ABLIM3: variants seen among roughly 807,000 people sequenced by gnomAD.
The protein encoded by ABLIM3 is actin binding LIM protein family member 3.
ABLIM3 carries 61 observed loss-of-function variants against 109.5 expected under a neutral mutation model. The observed-to-expected ratio is 0.56, with a 90% confidence interval of 0.45 to 0.69. The LOEUF (loss-of-function observed/expected upper bound fraction) is 0.69, where lower values mean the gene tolerates loss of function less well. ABLIM3 is among the 30% of genes least tolerant of loss of function. The pLI is 0.00. For missense variants in ABLIM3, 796 were observed against 889.5 expected (o/e 0.89, Z 1.34); for synonymous variants, 300 against 324.8 (o/e 0.92, Z 0.82).
At chr5:149,176,740 C>T (rs1755964999) in intron 2 of ABLIM3, among the ~76,000 whole-genome samples, 1 of 152,176 alleles carries the variant, frequency 6.6e-6, no homozygotes, top group Non-Finnish European at 1.5e-5. Flanking sequence ...TATGCATTAA[C>T]TGCTCCTATT....
intron 8 of ABLIM3, chr5:149,219,771 C>G (rs1760458424): frequency 6.6e-6 from 1 of 152,282 alleles, no homozygotes; most frequent in African/African-American, 2.4e-5. Context: ...GGAGTTTGCA[C>G]TTGGCTTGAA....
At position 149,247,812 on chromosome 5, in the gene ABLIM3, A is replaced by C. The variant is rs1753528127; in HGVS notation, c.1582A>C (p.Lys528Gln). 1.9e-6 allele frequency: 3 copies of C among 1,614,196 alleles called. No homozygotes were observed. Among genetic ancestry groups the C allele is most frequent in the Non-Finnish European group, 2.5e-6 (3 of 1,180,022 alleles). Residue 528 changes from lysine (K) to glutamine (Q), a missense_variant, in exon 18 of 24, where the codon AAG becomes CAG. Coordinates refer to ENST00000309868, the MANE Select transcript of ABLIM3 (RefSeq NM_014945.5). ...LQSGIGRLIL[K>Q]EEMKARSSSY... ...AAGTGGAATTGGCCGGCTGATTCTG[A>C]AGGAAGAAATGAAGGCCCGGTCGAG...
intron 23 of ABLIM3, among the ~76,000 whole-genome samples, chr5:149,255,698 CTTG>C (rs1167388994): frequency 6.6e-6 from 1 of 152,112 alleles, no homozygotes; most frequent in African/African-American, 2.4e-5. Flanking sequence ...CAGGAGGGAG[CTTG>C]TTGTGTTTGA....
At position 149,142,105 on chromosome 5, in the gene ABLIM3, A is replaced by G; in HGVS notation, c.10A>G (p.Ser4Gly). The change falls in exon 2 of 24, where the codon AGC (serine) becomes GGC (glycine). Residue 4 changes from serine to glycine, a missense_variant. Physicochemically the swap from Ser to Gly is moderately conservative, Grantham distance 56. Coordinates refer to ENST00000309868, the MANE Select transcript of ABLIM3 (RefSeq NM_014945.5). ...GTGCAAAGACATCACCATGAACACT[A>G]GCAGTAAGTGGATCCTCCTCTCCTT... MNT[S>G]IPYQQNPYNP... 1 of 1,609,862 alleles carries G rather than the reference A, an allele frequency of 6.2e-7. No homozygotes were observed. The highest frequency in any genetic ancestry group is 1.1e-5 in the South Asian group (1 of 90,998).
chr5:149,186,857 AC>A lies in ABLIM3; in HGVS notation c.151+3269del, dbSNP rs33941805. Reference sequence around the variant, plus strand: ...GCTAGAAAATATGAGCAAAAAAAAAACAACAGTGCATTATAAGCAATAGTGC... The same window carrying A: ...GCTAGAAAATATGAGCAAAAAAAAAAAACAGTGCATTATAAGCAATAGTGC... On this transcript the variant is annotated intron_variant, in intron 3 of 23. Transcript: ENST00000309868. 7.2e-3 allele frequency among the ~76,000 whole-genome samples: 1,089 copies of A among 151,938 alleles called. 16 individuals carry two copies. Among genetic ancestry groups the A allele is most frequent in the African/African-American group, 0.024 (1,013 of 41,366 alleles).
At chr5:149,192,565 G>T (rs528139396) in intron 3 of ABLIM3, among the ~76,000 whole-genome samples, 128 of 149,730 alleles carry the variant, frequency 8.5e-4, no homozygotes, top group African/African-American at 3.1e-3. Context: ...GGCAGAGCTT[G>T]CAGTGAGCCA....
At chr5:149,194,466 T>C (rs550079185) in intron 3 of ABLIM3, among the ~76,000 whole-genome samples, 2 of 152,260 alleles carry the variant, frequency 1.3e-5, no homozygotes, top group Admixed American at 1.3e-4. Context: ...AGTGAGGCAT[T>C]ACCTCACAAA....
intron 10 of ABLIM3, among the ~76,000 whole-genome samples, chr5:149,235,084 C>T (rs1451409112): frequency 6.6e-6 from 1 of 152,136 alleles, no homozygotes; most frequent in Non-Finnish European, 1.5e-5. Flanking sequence ...GATCAGTTGT[C>T]CCTCACATCC....
At chr5:149,208,895 G>C (rs1462816277) in intron 6 of ABLIM3, among the ~76,000 whole-genome samples, 2 of 152,216 alleles carry the variant, frequency 1.3e-5, no homozygotes, top group East Asian at 3.9e-4. Context: ...GAATCTCTGA[G>C]AGTTCCATGG....
chr5:149,220,433 T>G (rs1410817446), intron 8 of ABLIM3: 1 of 152,164 alleles, frequency 6.6e-6, no homozygotes, highest in Non-Finnish European at 1.5e-5. Context: ...CCCATCCCTC[T>G]CCTGGCTCCT....
At chr5:149,153,861 A>AT (rs1753651770) in intron 2 of ABLIM3, among the ~76,000 whole-genome samples, 3 of 152,176 alleles carry the variant, frequency 2.0e-5, no homozygotes, top group Non-Finnish European at 2.9e-5. Flanking sequence ...CAGGCTCCAC[A>AT]TGCCGCCCTG....
intron 8 of ABLIM3, among the ~76,000 whole-genome samples, chr5:149,224,270 T>G (rs1760951873): frequency 6.6e-6 from 1 of 152,204 alleles, no homozygotes; most frequent in Non-Finnish European, 1.5e-5. Context: ...ACTGTTATTA[T>G]CAGCACCTAT....
At chr5:149,210,502 T>TA (rs1464458738) in intron 6 of ABLIM3, among the ~76,000 whole-genome samples, 1 of 152,106 alleles carries the variant, frequency 6.6e-6, no homozygotes, top group Non-Finnish European at 1.5e-5. Context: ...AAACATTGGG[T>TA]AAAAAATGGA....
At chr5:149,253,446 C>A (rs1754131657) in intron 23 of ABLIM3, among the ~76,000 whole-genome samples, 1 of 152,258 alleles carries the variant, frequency 6.6e-6, no homozygotes, top group South Asian at 2.1e-4. Context: ...TGGTGTGCTT[C>A]CCCCATGCTG....
intron 2 of ABLIM3, among the ~76,000 whole-genome samples, chr5:149,154,333 G>A (rs1464363027): frequency 6.6e-6 from 1 of 152,228 alleles, no homozygotes; most frequent in Non-Finnish European, 1.5e-5. Context: ...TGCCTGTGAT[G>A]TTAGCATTAT....
At position 149,154,060 on chromosome 5, in the gene ABLIM3, C is replaced by T. The variant is rs185172336; in HGVS notation, c.13+11952C>T. The stretch of plus-strand genomic sequence containing the variant: ...CTTGCCCTCACCAGGCCAGCAGGGC[C>T]GATGAAGCAACTGCTTTGCAATAGT... On this transcript the variant is annotated intron_variant, in intron 2 of 23. Transcript: ENST00000309868. 1.2e-4 allele frequency among the ~76,000 whole-genome samples: 18 copies of T among 152,312 alleles called. No homozygotes were observed. The East Asian group carries it at 2.7e-3, about 23-fold the overall frequency.
chr5:149,195,718 C>CCAG (rs1757903374), intron 3 of ABLIM3, among the ~76,000 whole-genome samples: 1 of 152,242 alleles, frequency 6.6e-6, no homozygotes, highest in Non-Finnish European at 1.5e-5. Flanking sequence ...GTTCCACCAC[C>CCAG]TGCACGGCCC....
At position 149,258,421 on chromosome 5, in the gene ABLIM3, T is replaced by C. The variant is rs1754641806; in HGVS notation, c.*17T>C. On this transcript the variant is annotated 3_prime_UTR_variant, in exon 24 of 24. Coordinates refer to ENST00000309868, the MANE Select transcript of ABLIM3 (RefSeq NM_014945.5). ...CTGTTCTAGGCAGAGGCTCTATAAA[T>C]ATATATGCATTTATATAAAGATATA... 1 of 1,607,858 alleles carries C rather than the reference T, an allele frequency of 6.2e-7. No individual in the cohort carries two copies.
At chr5:149,217,110 C>G in intron 8 of ABLIM3, 64 bp downstream of exon 8, 1 of 1,447,078 alleles carries the variant, frequency 6.9e-7, no homozygotes, top group South Asian at 1.2e-5. Flanking sequence ...GAGATGCGAT[C>G]TTCAGGTTCA....
Sources: gnomAD v4.1 joint callset for allele counts (sites outside exome capture counted in the v4.1 genomes callset) on GRCh38, gnomAD v4.1.1 for gene constraint, MANE v1.5 for transcripts, NCBI Gene and HGNC (gene_info 2026-07-23, HGNC 2026-07-21) for gene names.